Variants in MVK observed in about 807,000 individuals in gnomAD.
MVK encodes LH receptor mRNA-binding protein.
In MVK, 34 loss-of-function variants were observed where a neutral mutation model predicts 43.2. The observed-to-expected ratio is 0.79, with a 90% CI of 0.60 to 1.05. The LOEUF (loss-of-function observed/expected upper bound fraction) is 1.05. Among genes scored for constraint, MVK ranks in the 50% least tolerant of loss-of-function variants. MVK has a pLI of 0.00. For synonymous variants in MVK, 190 were observed against 219.8 expected, an observed-to-expected ratio of 0.86 and a Z score of 1.20; for missense variants, 395 against 504.0, an observed-to-expected ratio of 0.78 and a Z score of 2.07.
chr12:109,586,200 C>A, intron 6 of MVK, 75 bp downstream of exon 6: 1 of 1,179,384 alleles, frequency 8.5e-7, no homozygotes, highest in Non-Finnish European at 1.2e-6. Flanking sequence ...GCCCAAGAGT[C>A]TGTGCTGGTT....
chr12:109,585,853 C>T (rs1885411384), intron 5 of MVK, among the ~76,000 whole-genome samples, 169 bp from the exon 6 acceptor site: 1 of 152,188 alleles, frequency 6.6e-6, no homozygotes, highest in African/African-American at 2.4e-5. Flanking sequence ...GAGGGAAGGG[C>T]GCACACTTGG....
chr12:109,585,781 G>A (rs1885409024), intron 5 of MVK, among the ~76,000 whole-genome samples: 1 of 152,104 alleles, frequency 6.6e-6, no homozygotes, highest in Admixed American at 6.5e-5. Context: ...AAAAAAAAGA[G>A]GCAAAGTAGG....
In MVK at chr12:109,596,574, C is replaced by T. The variant is rs1885924156; in HGVS notation, c.1188C>T (p.Leu396=). The T allele has an allele frequency of 6.2e-7, 1 of 1,608,812 alleles. No individual in the cohort carries two copies. The highest frequency in any genetic ancestry group is 1.3e-5 in the African/African-American group (1 of 74,928). ...DSRVQQALDG[L] ...GAGTCCAGCAAGCCCTGGATGGCCT[C>T]TGAGAGGAGCCCACGACACTGCAGC... The change falls in exon 11 of 11, where the codon CTC becomes CTT. Residue 396 remains leucine, a synonymous_variant. Coordinates refer to ENST00000228510, the MANE Select transcript of MVK (RefSeq NM_000431.4).
In MVK at chr12:109,595,289, C is replaced by T. The variant is rs538541125; in HGVS notation, c.1039+108C>T. ...GAGACCTGGAAACAGGTCTCAGCTC[C>T]GCTGTGTGGCCTTGGGCAAGTTAGT... On this transcript the variant is annotated intron_variant, in intron 10 of 10. Coordinates refer to ENST00000228510, the MANE Select transcript of MVK (RefSeq NM_000431.4). This position sits in a 1 kb window ranked among gnomAD's most constrained non-coding sequence, Gnocchi z 5.9. The T allele has an allele frequency of 7.2e-5, 102 of 1,426,180 alleles. No individual in the cohort carries two copies. The South Asian group carries it at 8.3e-4, about 12-fold the overall frequency. The allele number at this position is 1,426,180 out of a possible 1,614,324, so 88.3% of individuals were successfully genotyped here.
rs138144531 is a variant in MVK, at chr12:109,591,757, A to G, written c.885+400A>G. On this transcript the variant is annotated intron_variant, in intron 9 of 10. Coordinates refer to ENST00000228510, the MANE Select transcript of MVK (RefSeq NM_000431.4). The stretch of plus-strand genomic sequence containing the variant: ...ATTGCTAACTTCATGGGTGCATTCA[A>G]CAACTACTTGTCAACTGCCTGCTTT... 1.5e-3 allele frequency among the ~76,000 whole-genome samples: 228 copies of G among 152,328 alleles called. 1 individual carries two copies. The highest frequency in any genetic ancestry group is 2.3e-3 in the Non-Finnish European group (159 of 68,034).
intron 4 of MVK, among the ~76,000 whole-genome samples, chr12:109,580,226 C>G (rs888372757): frequency 6.6e-6 from 1 of 152,148 alleles, no homozygotes; most frequent in Non-Finnish European, 1.5e-5. Flanking sequence ...CCTCAGCCTT[C>G]CAAGTAGCTG....
At chr12:109,587,904 C>A (rs1027287010) in intron 7 of MVK, 16 of 151,694 alleles carry the variant, frequency 1.1e-4, no homozygotes, top group African/African-American at 3.6e-4. Context: ...ATCCCCAGCC[C>A]CTACCCACTA....
chr12:109,580,094 A>C (rs1033388239), intron 4 of MVK, 148 bp downstream of exon 4: 12 of 1,204,676 alleles, frequency 1.0e-5, no homozygotes, highest in Non-Finnish European at 1.4e-5. Flanking sequence ...GCACCCTGCC[A>C]GGCACGGTAT....
rs1330463779 is a variant in MVK, at chr12:109,573,883, CG to C, written c.-15+14del. On this transcript the variant is annotated intron_variant, in intron 1 of 10. Transcript: ENST00000228510. Reference sequence around the variant, plus strand: ...GCGGCGGCGGCGGCAGGTGAGAGGCCGGGGTCGGGCGGCCGGGCGGCGCGAG... The same window carrying C: ...GCGGCGGCGGCGGCAGGTGAGAGGCCGGGTCGGGCGGCCGGGCGGCGCGAG... The C allele has an allele frequency of 3.6e-5, 7 of 192,734 alleles. No individual in the cohort carries two copies. The highest frequency in any genetic ancestry group is 6.2e-5 in the Non-Finnish European group (6 of 96,692). 11.9% of individuals were successfully genotyped at this position (192,734 alleles called of 1,614,324 possible).
chr12:109,595,419 G>A lies in MVK; in HGVS notation c.1039+238G>A, dbSNP rs1259217840. Among the ~76,000 whole-genome samples the A allele has an allele frequency of 6.6e-6, 1 of 152,140 alleles. No individual in the cohort carries two copies. The highest frequency in any genetic ancestry group is 1.5e-5 in the Non-Finnish European group (1 of 68,022). ...CAGGAAAGTGCACCTAGAGAGCCTG[G>A]TGCAGGGCTGGGCTGTGGCTGGGGC... On this transcript the variant is annotated intron_variant, in intron 10 of 10. Coordinates refer to ENST00000228510, the MANE Select transcript of MVK (RefSeq NM_000431.4). This position sits in a 1 kb window ranked among gnomAD's most constrained non-coding sequence, Gnocchi z 5.9.
chr12:109,587,908 C>T (rs990443117), intron 7 of MVK: 2 of 152,302 alleles, frequency 1.3e-5, no homozygotes, highest in Non-Finnish European at 2.9e-5. Flanking sequence ...CCAGCCCCTA[C>T]CCACTAGATG....
At chr12:109,591,047 A>G (rs1018020316) in intron 8 of MVK, among the ~76,000 whole-genome samples, 186 bp downstream of exon 8, 1 of 152,164 alleles carries the variant, frequency 6.6e-6, no homozygotes, top group Non-Finnish European at 1.5e-5. Context: ...GGAAAATGAC[A>G]GTGGTCGGGC....
chr12:109,581,474 G>T lies in MVK; in HGVS notation c.451G>T (p.Val151Leu), dbSNP rs1885215026. ...AGLGSSAAYSVCLAAALLTVC... is the reference protein window; with the variant it reads ...AGLGSSAAYSLCLAAALLTVC... ...CTTGGGCTCCAGCGCCGCCTACTCG[G>T]TGTGTCTGGCAGCAGCCCTCCTGAC... Residue 151 changes from valine to leucine, a missense_variant, in exon 5 of 11, where the codon GTG (valine) becomes TTG (leucine). Transcript: ENST00000228510. 6.2e-7 allele frequency: 1 copy of T among 1,614,196 alleles called. No homozygotes were observed. The highest frequency in any genetic ancestry group is 8.5e-7 in the Non-Finnish European group (1 of 1,180,028).
rs1885422070 is a variant in MVK at position 109,586,115 on chromosome 12, C to A, written c.621C>A (p.Val207=). The A allele has an allele frequency of 1.9e-6, 3 of 1,613,484 alleles. No homozygotes were observed. The highest frequency in any genetic ancestry group is 2.5e-6 in the Non-Finnish European group (3 of 1,179,366). The change falls in exon 6 of 11, where the codon GTC becomes GTA. Residue 207 remains valine (V), a synonymous_variant. Transcript: ENST00000228510. ...ACCCCTCCGGAGTGGACAATGCTGT[C>A]AGCACCTGGGGTAGGTGTGGCCTCA... ...HGNPSGVDNA[V]STWGGALRYH... is the part of the protein sequence containing the mutation.
At chr12:109,586,165 A>T (rs1344027593) in intron 6 of MVK, 40 bp downstream of exon 6, 14 of 1,497,398 alleles carry the variant, frequency 9.3e-6, no homozygotes, top group African/African-American at 2.8e-5. Flanking sequence ...TTGTTATTTT[A>T]AAAATTCTTA....
At chr12:109,576,172 G>A (rs1884944630) in intron 3 of MVK, 27 bp downstream of exon 3, 1 of 1,613,888 alleles carries the variant, frequency 6.2e-7, no homozygotes, top group Non-Finnish European at 8.5e-7. Flanking sequence ...GAAACCAGGT[G>A]TGCTAAGAGC....
chr12:109,590,627 C>A, intron 7 of MVK, 144 bp from the exon 8 acceptor site: 1 of 739,172 alleles, frequency 1.4e-6, no homozygotes, highest in Non-Finnish European at 2.4e-6. Flanking sequence ...AGCAGAAGCC[C>A]CATGCTCCCC....
intron 9 of MVK, among the ~76,000 whole-genome samples, chr12:109,593,934 T>A (rs1293707036): frequency 6.6e-6 from 1 of 151,748 alleles, no homozygotes; most frequent in East Asian, 2.0e-4. Flanking sequence ...GCCAGGCTGG[T>A]CTCAAACTCC....
chr12:109,586,403 G>A (rs1885434648), intron 6 of MVK, among the ~76,000 whole-genome samples: 1 of 152,148 alleles, frequency 6.6e-6, no homozygotes, highest in South Asian at 2.1e-4. Flanking sequence ...AGCCGTTGCC[G>A]TGGAGTTTGC....
Sources: gnomAD v4.1 joint callset for allele counts (sites outside exome capture counted in the v4.1 genomes callset) on GRCh38, gnomAD v4.1.1 for gene constraint, Gnocchi (gnomAD v3.1) non-coding constraint, MANE v1.5 for transcripts, NCBI Gene and HGNC (gene_info 2026-07-23, HGNC 2026-07-21) for gene names.